The following KAT6A variants were observed in gnomAD, a reference collection of about 807,000 sequenced individuals.
KAT6A encodes the protein histone acetyltransferase KAT6A.
KAT6A carries 9 observed loss-of-function variants against 198.4 expected under a neutral mutation model. The ratio of observed to expected loss-of-function variants is 0.05; its 90% CI spans 0.03 to 0.08. The LOEUF (loss-of-function observed/expected upper bound fraction) is 0.08. KAT6A is among the 10% of genes least tolerant of loss of function. The pLI, the probability that KAT6A is intolerant of heterozygous loss-of-function variation, is 1.00. For synonymous variants in KAT6A, 890 were observed against 883.0 expected, an observed-to-expected ratio of 1.01 and a Z score of -0.14; for missense variants, 2,077 against 2,509.9, an observed-to-expected ratio of 0.83 and a Z score of 3.69.
intron 2 of KAT6A, among the ~76,000 whole-genome samples, chr8:42,040,415 G>A (rs1488697527): frequency 6.6e-6 from 1 of 152,078 alleles, no homozygotes; most frequent in South Asian, 2.1e-4. Flanking sequence ...TTATTCGCTA[G>A]AAAAATGTCT....
In KAT6A at chr8:41,998,574, C is replaced by T. The variant is rs1033496021; in HGVS notation, c.601-11011G>A. On this transcript the variant is annotated intron_variant, in intron 2 of 16. Transcript: ENST00000265713. The stretch of plus-strand genomic sequence containing the variant: ...TATCCTAGGTGAGCAGATATCACCA[C>T]TTAATTCACCTATGCCTTGCACTTA... Among the ~76,000 whole-genome samples, 46 of 152,146 alleles carry T rather than the reference C, an allele frequency of 3.0e-4. 3 individuals are homozygous for T. The highest frequency in any genetic ancestry group is 2.9e-3 in the Admixed American group (44 of 15,280).
intron 8 of KAT6A, among the ~76,000 whole-genome samples, chr8:41,965,887 G>A (rs548890127): frequency 2.6e-5 from 4 of 152,222 alleles, no homozygotes; most frequent in Middle Eastern, 3.4e-3. Flanking sequence ...AATGGTAGGT[G>A]GGGCGATGTT....
chr8:41,966,213 A>G (rs1161245607), intron 8 of KAT6A, among the ~76,000 whole-genome samples: 1 of 152,096 alleles, frequency 6.6e-6, no homozygotes, highest in Non-Finnish European at 1.5e-5. Flanking sequence ...CTTGGAATAC[A>G]CAGATAATAC....
At chr8:42,032,519 C>T (rs573652305) in intron 2 of KAT6A, among the ~76,000 whole-genome samples, 8 of 152,218 alleles carry the variant, frequency 5.3e-5, no homozygotes, top group African/African-American at 1.7e-4. Flanking sequence ...TTTTATCAGT[C>T]TTCTTTCAAA....
chr8:41,999,692 G>A (rs909112915), intron 2 of KAT6A, among the ~76,000 whole-genome samples: 4 of 152,046 alleles, frequency 2.6e-5, no homozygotes, highest in Non-Finnish European at 5.9e-5. Flanking sequence ...TTCATCTTCA[G>A]AAATCATACT....
chr8:42,029,549 C>T (rs890589791), intron 2 of KAT6A, among the ~76,000 whole-genome samples: 1 of 150,742 alleles, frequency 6.6e-6, no homozygotes, highest in African/African-American at 2.4e-5. Flanking sequence ...TAAAAGCACT[C>T]ACAGTTGTAG....
chr8:41,975,670 T>C (rs545720533), intron 7 of KAT6A, among the ~76,000 whole-genome samples: 1 of 152,300 alleles, frequency 6.6e-6, no homozygotes, highest in African/African-American at 2.4e-5. Flanking sequence ...TAGTGCATGA[T>C]GCATGCACCT....
intron 2 of KAT6A, among the ~76,000 whole-genome samples, chr8:42,046,719 T>C (rs761663011): frequency 4.6e-5 from 7 of 152,232 alleles, no homozygotes; most frequent in East Asian, 1.9e-4. Context: ...ATAAAGTTTC[T>C]ACAGGTAAGA....
At chr8:41,983,343 G>A (rs1347492624) in intron 3 of KAT6A, among the ~76,000 whole-genome samples, 1 of 152,178 alleles carries the variant, frequency 6.6e-6, no homozygotes, top group Non-Finnish European at 1.5e-5. Context: ...AATCCAAGAG[G>A]TGTGAAAATT....
chr8:41,945,747 G>A (rs113496780), intron 12 of KAT6A, among the ~76,000 whole-genome samples: 2,425 of 152,090 alleles, frequency 0.016, 60 homozygotes, highest in African/African-American at 0.053. Context: ...TCGTGTCCAA[G>A]GCCACGCATG....
intron 6 of KAT6A, among the ~76,000 whole-genome samples, chr8:41,977,728 A>T (rs2150886881): frequency 6.6e-6 from 1 of 152,342 alleles, no homozygotes; most frequent in South Asian, 2.1e-4. Context: ...CTCTGCACCA[A>T]CTGAAAGTTA....
intron 2 of KAT6A, among the ~76,000 whole-genome samples, chr8:42,019,381 T>G (rs951856364): frequency 6.6e-6 from 1 of 152,152 alleles, no homozygotes; most frequent in African/African-American, 2.4e-5. Context: ...GCCAGGAACA[T>G]TTTTTTCCTC....
intron 8 of KAT6A, among the ~76,000 whole-genome samples, chr8:41,974,135 T>C (rs1823934790): frequency 1.3e-5 from 2 of 152,002 alleles, no homozygotes; most frequent in African/African-American, 4.8e-5. Flanking sequence ...TGGAGTACAG[T>C]GGCATGATCT....
At chr8:41,981,095 G>C (rs1824334148) in intron 4 of KAT6A, among the ~76,000 whole-genome samples, 168 bp from the exon 5 acceptor site, 2 of 152,222 alleles carry the variant, frequency 1.3e-5, no homozygotes, top group African/African-American at 4.8e-5. Context: ...CGAGGCGGGT[G>C]GATCATGAGG....
chr8:41,976,936 G>C, intron 7 of KAT6A, 72 bp downstream of exon 7: 1 of 1,196,932 alleles, frequency 8.4e-7, no homozygotes, highest in South Asian at 1.6e-5. Context: ...ATCCATTATA[G>C]ATAATTAGTG....
At chr8:41,936,535 T>A (rs1331982126) in intron 16 of KAT6A, among the ~76,000 whole-genome samples, 1 of 152,146 alleles carries the variant, frequency 6.6e-6, no homozygotes, top group Admixed American at 6.5e-5. Flanking sequence ...TGGCAAAACT[T>A]TAGGCTAGGG....
At chr8:41,947,037 G>A (rs1445046259) in intron 11 of KAT6A, among the ~76,000 whole-genome samples, 1 of 152,232 alleles carries the variant, frequency 6.6e-6, no homozygotes, top group Non-Finnish European at 1.5e-5. Context: ...CTCTAGAAGT[G>A]AGAAGACTCA....
At chr8:42,019,266 T>C (rs1587831986) in intron 2 of KAT6A, among the ~76,000 whole-genome samples, 1 of 152,228 alleles carries the variant, frequency 6.6e-6, no homozygotes, top group Non-Finnish European at 1.5e-5. Flanking sequence ...TTTATTTTTA[T>C]ATACAACTCC....
At chr8:42,050,438 C>CAATATAATAT (rs1802551834) in intron 1 of KAT6A, among the ~76,000 whole-genome samples, 2 of 152,166 alleles carry the variant, frequency 1.3e-5, no homozygotes, top group Admixed American at 6.5e-5. Flanking sequence ...ACAATATAAA[C>CAATATAATAT]AATGCTAGAC....
Sources: gnomAD v4.1 joint callset for allele counts (sites outside exome capture counted in the v4.1 genomes callset) on GRCh38, gnomAD v4.1.1 for gene constraint, MANE v1.5 for transcripts, NCBI Gene and HGNC (gene_info 2026-07-23, HGNC 2026-07-21) for gene names.